Variants in LEMD1 observed in about 807,000 individuals in gnomAD.
LEMD1 encodes LEM domain containing 1.
A neutral mutation model predicts 17.4 loss-of-function variants in LEMD1; 18 were observed. That is an observed-to-expected ratio of 1.04 (90% confidence interval 0.72 to 1.54). The LOEUF (loss-of-function observed/expected upper bound fraction) is 1.54, where lower values mean the gene tolerates loss of function less well. Among genes scored for constraint, LEMD1 ranks in the 40% most tolerant of loss-of-function variants. The probability of loss-of-function intolerance (pLI) is 0.00; values close to 1 mark genes in which losing one functional copy is unlikely to be tolerated. For synonymous variants in LEMD1, 88 were observed against 77.8 expected, an observed-to-expected ratio of 1.13 and a Z score of -0.69; for missense variants, 195 against 210.4, an observed-to-expected ratio of 0.93 and a Z score of 0.45.
At chr1:205,430,531 A>G (rs1195928143) in intron 1 of LEMD1, among the ~76,000 whole-genome samples, 3 of 152,344 alleles carry the variant, frequency 2.0e-5, no homozygotes, top group East Asian at 3.9e-4. Context: ...TTCCTCCTGG[A>G]ATGGGATGCG....
chr1:205,416,676 C>T (rs559998459), intron 3 of LEMD1, among the ~76,000 whole-genome samples: 1 of 152,240 alleles, frequency 6.6e-6, no homozygotes, highest in South Asian at 2.1e-4. Flanking sequence ...AAAAGGCACC[C>T]AGGGAAGGCA....
At chr1:205,426,374 A>G (rs904585408), upstream of LEMD1, among the ~76,000 whole-genome samples, 12 of 152,264 alleles carry the variant, frequency 7.9e-5, no homozygotes, top group African/African-American at 2.9e-4. Context: ...GGAGAAACCA[A>G]CCAGAAACAC....
intron 4 of LEMD1, among the ~76,000 whole-genome samples, chr1:205,389,658 T>C (rs895552045): frequency 4.6e-5 from 7 of 152,136 alleles, no homozygotes; most frequent in African/African-American, 1.7e-4. Flanking sequence ...CATAATACAT[T>C]CTCCAATTGC....
intron 4 of LEMD1, among the ~76,000 whole-genome samples, chr1:205,404,862 G>C (rs1431184794): frequency 6.6e-6 from 1 of 151,964 alleles, no homozygotes; most frequent in Non-Finnish European, 1.5e-5. Flanking sequence ...TCCATGTTTA[G>C]TGCTTCCTTC....
At chr1:205,412,370 C>A (rs954082279) in intron 4 of LEMD1, among the ~76,000 whole-genome samples, 1 of 151,918 alleles carries the variant, frequency 6.6e-6, no homozygotes, top group Non-Finnish European at 1.5e-5. Flanking sequence ...GTGTTTTTAA[C>A]GACCAAATCC....
intron 4 of LEMD1, among the ~76,000 whole-genome samples, chr1:205,415,867 G>GA (rs1384176271): frequency 6.6e-6 from 1 of 152,158 alleles, no homozygotes; most frequent in Non-Finnish European, 1.5e-5. Flanking sequence ...CTAGAAAAGC[G>GA]AACGGGATGG....
Position 205,381,387 on chromosome 1 carries a change from T to C in LEMD1, c.*271A>G. The C allele has an allele frequency of 4.2e-6, 2 of 471,486 alleles. No homozygotes were observed. Among genetic ancestry groups the C allele is most frequent in the East Asian group, 7.5e-5 (2 of 26,580 alleles). The allele number at this position is 471,486 out of a possible 1,614,324, so 29.2% of individuals were successfully genotyped here. On this transcript the variant is annotated 3_prime_UTR_variant, in exon 6 of 6. Transcript: ENST00000367153. ...GAAAAACGCCAGACAGTTTCCTTGT[T>C]TGACGCCTGCTCAAATATGGAAGCA...
intron 4 of LEMD1, among the ~76,000 whole-genome samples, chr1:205,413,248 C>T (rs1194090109): frequency 6.6e-6 from 1 of 152,082 alleles, no homozygotes; most frequent in African/African-American, 2.4e-5. Flanking sequence ...CCTGTGATAG[C>T]TACTAAATGA....
intron 4 of LEMD1, among the ~76,000 whole-genome samples, chr1:205,409,865 T>C (rs6697716): frequency 0.31 from 46,835 of 151,728 alleles, 7,571 homozygotes; most frequent in African/African-American, 0.39. Context: ...CTCCACCTCC[T>C]GGGTTCAAGT....
At chr1:205,419,440 T>G (rs1050747420) in intron 2 of LEMD1, 88 bp from the exon 3 acceptor site, 17 of 1,443,782 alleles carry the variant, frequency 1.2e-5, no homozygotes, top group Non-Finnish European at 1.5e-5. Context: ...ACTCAGAATT[T>G]TATTCTTAAC....
rs1373357048 is a variant in LEMD1 at position 205,393,398 on chromosome 1, G to A, written c.271-9034C>T. On this transcript the variant is annotated intron_variant, in intron 4 of 5. Coordinates refer to ENST00000367153, the MANE Select transcript of LEMD1 (RefSeq NM_001199050.2). The stretch of plus-strand genomic sequence containing the variant: ...GCTATTAAAAAAAAAAAGGAAGACC[G>A]GGCACGGTGGCTCACACCTGTAATC... Among the ~76,000 whole-genome samples the A allele has an allele frequency of 7.9e-5, 12 of 151,872 alleles. No individual in the cohort carries two copies. In the East Asian group the frequency reaches 2.3e-3, roughly 29 times the overall value.
At chr1:205,410,917 C>G (rs1574978867) in intron 4 of LEMD1, among the ~76,000 whole-genome samples, 1 of 118,440 alleles carries the variant, frequency 8.4e-6, no homozygotes. Context: ...GAAGGAAGGA[C>G]AGGAAAGAAA....
upstream of LEMD1, among the ~76,000 whole-genome samples, chr1:205,425,792 G>A (rs1196966966): frequency 6.6e-6 from 1 of 152,224 alleles, no homozygotes; most frequent in African/African-American, 2.4e-5. Flanking sequence ...GGAAAATGCT[G>A]CCTAATTGCC....
intron 4 of LEMD1, among the ~76,000 whole-genome samples, chr1:205,412,931 G>T (rs1006301276): frequency 2.0e-5 from 3 of 152,096 alleles, no homozygotes; most frequent in African/African-American, 7.2e-5. Flanking sequence ...TATATTAAAG[G>T]GTTTTCTGCA....
chr1:205,429,647 C>T (rs1190717590), intron 1 of LEMD1, among the ~76,000 whole-genome samples: 2 of 152,150 alleles, frequency 1.3e-5, no homozygotes, highest in Non-Finnish European at 2.9e-5. Context: ...CAATCTAAAC[C>T]GGAGATCACA....
chr1:205,382,327 G>T (rs1191372583), intron 5 of LEMD1, among the ~76,000 whole-genome samples: 3 of 151,668 alleles, frequency 2.0e-5, no homozygotes, highest in Non-Finnish European at 4.4e-5. Context: ...TGAGATGGGA[G>T]AATCAGTTGA....
rs577328822 is a variant in LEMD1 at position 205,448,165 on chromosome 1, C to A, written c.-39+1703G>T. 48 of 391,674 alleles carry A rather than the reference C, an allele frequency of 1.2e-4. No individual in the cohort carries two copies. Among genetic ancestry groups the A allele is most frequent in the African/African-American group, 9.6e-4 (46 of 48,104 alleles). The allele number at this position is 391,674 out of a possible 1,614,324, so 24.3% of individuals were successfully genotyped here. A position where few individuals can be genotyped will look rare whatever the true frequency, so the allele number is the denominator to read the frequency against. On this transcript the variant is annotated intron_variant, in intron 1 of 3. Transcript: ENST00000367154. The surrounding 1 kb of genome is among the most constrained non-coding windows in gnomAD (Gnocchi z 4.7). ...AGGGCCAGAAGGGAAGTGACTGGGCCAAGGTCACACGGCTTAGCCCCGATC... is the reference window on the plus strand; with the variant it reads ...AGGGCCAGAAGGGAAGTGACTGGGCAAAGGTCACACGGCTTAGCCCCGATC...
rs182320468 is a variant in LEMD1, at chr1:205,384,314, C to T, written c.321G>A (p.Leu107=). Residue 107 remains leucine (L), a synonymous_variant, in exon 5 of 6, where the codon TTG becomes TTA. Coordinates refer to ENST00000367153, the MANE Select transcript of LEMD1 (RefSeq NM_001199050.2). ...TKRKAVDTYC[L]DYKPSKGRRW... is the part of the protein sequence containing the mutation. Reference sequence around the variant, plus strand: ...TTCTTCCCTTGGAAGGCTTATAATCCAAGCAATAGGTATCTACAGCTTTGC... The same window carrying T: ...TTCTTCCCTTGGAAGGCTTATAATCTAAGCAATAGGTATCTACAGCTTTGC... The T allele has an allele frequency of 1.1e-5, 16 of 1,516,202 alleles. No individual in the cohort carries two copies. The highest frequency in any genetic ancestry group is 9.0e-5 in the Admixed American group (4 of 44,232). 93.9% of individuals were successfully genotyped at this position (1,516,202 alleles called of 1,614,324 possible).
chr1:205,431,539 A>C (rs1012725845), intron 1 of LEMD1, among the ~76,000 whole-genome samples: 1 of 152,158 alleles, frequency 6.6e-6, no homozygotes, highest in African/African-American at 2.4e-5. Flanking sequence ...AGTAAAGACA[A>C]CAAGTCTTGT....
Sources: allele counts gnomAD v4.1 joint callset (sites outside exome capture counted in the v4.1 genomes callset), GRCh38; gene constraint gnomAD v4.1.1; non-coding constraint Gnocchi (gnomAD v3.1); transcripts MANE v1.5; gene names NCBI Gene and HGNC (gene_info 2026-07-23, HGNC 2026-07-21).